The following ASIC2 variants were observed in gnomAD, a reference collection of about 807,000 sequenced individuals.
ASIC2 encodes acid-sensing ion channel 2.
Under a neutral mutation model 57.3 loss-of-function variants are expected in ASIC2, and 25 were observed. That is an observed-to-expected ratio of 0.44 (90% confidence interval 0.32 to 0.61). The LOEUF (loss-of-function observed/expected upper bound fraction) is 0.61. Ranked by LOEUF, ASIC2 falls within the 20% of genes least tolerant of loss-of-function variation. ASIC2 has a pLI of 0.06. For synonymous variants in ASIC2, 319 were observed against 307.5 expected, an observed-to-expected ratio of 1.04 and a Z score of -0.39; for missense variants, 641 against 738.1, an observed-to-expected ratio of 0.87 and a Z score of 1.52.
intron 1 of ASIC2, among the ~76,000 whole-genome samples, chr17:33,365,022 C>T (rs1908752740): frequency 6.6e-6 from 1 of 152,216 alleles, no homozygotes; most frequent in Non-Finnish European, 1.5e-5. Context: ...ATATCAAGCT[C>T]TTTAGCACGG....
chr17:33,409,235 A>G (rs906794275), intron 1 of ASIC2, among the ~76,000 whole-genome samples: 2 of 152,164 alleles, frequency 1.3e-5, no homozygotes, highest in East Asian at 1.9e-4. Context: ...TTTTTAAAAA[A>G]AAGTTCCACT....
intron 1 of ASIC2, among the ~76,000 whole-genome samples, chr17:33,788,538 C>A (rs537108116): frequency 6.6e-6 from 1 of 152,230 alleles, no homozygotes; most frequent in African/African-American, 2.4e-5. Context: ...TTTGACCCAG[C>A]AATCTCATTA....
At chr17:33,294,377 G>A (rs12949660), upstream of ASIC2, among the ~76,000 whole-genome samples, 75,797 of 151,568 alleles carry the variant, frequency 0.5, 19,115 homozygotes, top group East Asian at 0.74. Flanking sequence ...GAGTTTTACC[G>A]TCTTTGTAAT....
intron 1 of ASIC2, among the ~76,000 whole-genome samples, chr17:33,968,715 C>A (rs972267232): frequency 6.6e-6 from 1 of 152,206 alleles, no homozygotes; most frequent in Admixed American, 6.5e-5. Flanking sequence ...GCCCCATTAC[C>A]GCCATGCCTT....
intron 1 of ASIC2, among the ~76,000 whole-genome samples, chr17:33,336,921 T>C (rs1015321803): frequency 3.3e-5 from 5 of 152,142 alleles, no homozygotes; most frequent in African/African-American, 4.8e-5. Flanking sequence ...TCTACACAAA[T>C]GGCCTTGGTT....
intron 1 of ASIC2, among the ~76,000 whole-genome samples, chr17:33,818,798 A>G (rs952582779): frequency 2.6e-5 from 4 of 152,134 alleles, no homozygotes; most frequent in Non-Finnish European, 4.4e-5. Context: ...CCTTCCCCCA[A>G]TTTCACTTGC....
chr17:34,127,094 T>C (rs1911806495), intron 1 of ASIC2, among the ~76,000 whole-genome samples: 1 of 152,184 alleles, frequency 6.6e-6, no homozygotes, highest in Non-Finnish European at 1.5e-5. Flanking sequence ...TTTGGCAGAA[T>C]CCACAGCTGC....
At chr17:33,456,544 T>C (rs768054307) in intron 1 of ASIC2, among the ~76,000 whole-genome samples, 11 of 152,250 alleles carry the variant, frequency 7.2e-5, no homozygotes, top group Non-Finnish European at 1.5e-4. Flanking sequence ...TGATGGCATG[T>C]CTTTTCTCCA....
chr17:33,854,309 G>C (rs577123902), intron 1 of ASIC2, among the ~76,000 whole-genome samples: 9 of 152,282 alleles, frequency 5.9e-5, no homozygotes, highest in South Asian at 2.1e-4. Context: ...AGTATGCATG[G>C]GTATTGGTCA....
intron 1 of ASIC2, among the ~76,000 whole-genome samples, chr17:33,263,588 G>A (rs1488056369): frequency 2.0e-5 from 3 of 146,640 alleles, no homozygotes; most frequent in Non-Finnish European, 3.0e-5. Flanking sequence ...TCCCCTCTGC[G>A]GCCCCATGAA....
At chr17:34,150,398 A>G (rs1022272255) in intron 1 of ASIC2, among the ~76,000 whole-genome samples, 8 of 152,342 alleles carry the variant, frequency 5.3e-5, no homozygotes, top group Non-Finnish European at 5.9e-5. Context: ...AAGTGTTCTT[A>G]CCATCCCCCC....
intron 1 of ASIC2, among the ~76,000 whole-genome samples, chr17:34,136,812 T>C (rs1273535145): frequency 6.6e-6 from 1 of 152,208 alleles, no homozygotes; most frequent in Admixed American, 6.5e-5. Flanking sequence ...GTTTGGCTTT[T>C]TTCATCAGCA....
chr17:33,731,743 C>T (rs1366506272), intron 1 of ASIC2, among the ~76,000 whole-genome samples: 1 of 152,196 alleles, frequency 6.6e-6, no homozygotes, highest in Non-Finnish European at 1.5e-5. Context: ...CTTTCCTCTG[C>T]CCTTGGCCAC....
chr17:34,095,278 T>G (rs1304128883), intron 1 of ASIC2, among the ~76,000 whole-genome samples: 1 of 152,150 alleles, frequency 6.6e-6, no homozygotes, highest in South Asian at 2.1e-4. Context: ...TGGCTCGGAC[T>G]AAGGGAGCTC....
chr17:33,255,028 C>CTTTTTTTT (rs1173076413), intron 1 of ASIC2, among the ~76,000 whole-genome samples: 14 of 73,986 alleles, frequency 1.9e-4, no homozygotes, highest in African/African-American at 5.2e-4. Flanking sequence ...AGAAAGAAAT[C>CTTTTTTTT]TTTTTTTTTT....
intron 1 of ASIC2, among the ~76,000 whole-genome samples, chr17:33,414,382 C>T (rs935694793): frequency 6.6e-6 from 1 of 152,056 alleles, no homozygotes; most frequent in Non-Finnish European, 1.5e-5. Flanking sequence ...TCTAGGTTGG[C>T]AGGTTGGTAA....
At chr17:33,561,345 G>C (rs1158199820) in intron 1 of ASIC2, among the ~76,000 whole-genome samples, 5 of 152,162 alleles carry the variant, frequency 3.3e-5, no homozygotes, top group Admixed American at 2.6e-4. Flanking sequence ...CAATTAAAGA[G>C]AGGCTTTGAT....
intron 1 of ASIC2, among the ~76,000 whole-genome samples, chr17:33,623,799 A>G (rs1444087638): frequency 6.6e-6 from 1 of 152,036 alleles, no homozygotes; most frequent in African/African-American, 2.4e-5. Context: ...TACTCCAGGT[A>G]GAGAAACTGA....
At chr17:33,264,913 G>A (rs552223895) in intron 1 of ASIC2, among the ~76,000 whole-genome samples, 1 of 152,348 alleles carries the variant, frequency 6.6e-6, no homozygotes, top group East Asian at 1.9e-4. Flanking sequence ...AAATATTTCT[G>A]GCCCAGCTGG....
Sources: gnomAD v4.1 joint callset for allele counts (sites outside exome capture counted in the v4.1 genomes callset) on GRCh38, gnomAD v4.1.1 for gene constraint, MANE v1.5 for transcripts, NCBI Gene and HGNC (gene_info 2026-07-23, HGNC 2026-07-21) for gene names.